The following ST7 variants were observed in gnomAD, a reference collection of about 807,000 sequenced individuals.
ST7 encodes the protein suppression of tumorigenicity 7, also known as suppressor of tumorigenicity 7 protein.
A neutral mutation model predicts 78.7 loss-of-function variants in ST7; 28 were observed. The ratio of observed to expected loss-of-function variants is 0.36; its 90% confidence interval spans 0.26 to 0.49. The LOEUF (loss-of-function observed/expected upper bound fraction) is 0.49. Ranked by LOEUF, ST7 falls within the 20% of genes least tolerant of loss-of-function variation. The pLI is 0.99. For missense variants in ST7, 418 were observed against 696.0 expected (o/e 0.60, Z 4.49); for synonymous variants, 247 against 249.6 (o/e 0.99, Z 0.10).
intron 9 of ST7, among the ~76,000 whole-genome samples, chr7:117,141,624 AG>A (rs1805304794): frequency 6.6e-6 from 1 of 152,132 alleles, no homozygotes; most frequent in South Asian, 2.1e-4. Context: ...CAGTAAGCAG[AG>A]CTAAGAGAGC....
At chr7:117,197,485 T>C (rs1175544709) in intron 12 of ST7, among the ~76,000 whole-genome samples, 1 of 152,192 alleles carries the variant, frequency 6.6e-6, no homozygotes, top group Non-Finnish European at 1.5e-5. Flanking sequence ...CACTTAAGGC[T>C]CTTGATATTG....
intron 1 of ST7, among the ~76,000 whole-genome samples, chr7:117,066,495 C>T (rs1470267491): frequency 6.6e-6 from 1 of 152,064 alleles, no homozygotes; most frequent in African/African-American, 2.4e-5. Flanking sequence ...GGCGTGGTGG[C>T]TAACGCCTGT....
intron 2 of ST7, among the ~76,000 whole-genome samples, chr7:117,113,241 A>C (rs1171467077): frequency 2.6e-5 from 4 of 152,240 alleles, no homozygotes; most frequent in Non-Finnish European, 2.9e-5. Context: ...AAACTTTGCT[A>C]GGTAAGGATG....
At position 117,052,164 on chromosome 7, in the gene ST7, C is replaced by A. The variant is rs563167042; in HGVS notation, c.152-47598C>A. On this transcript the variant is annotated intron_variant, in intron 1 of 15. Coordinates refer to ENST00000323984, the MANE Select transcript of ST7 (RefSeq NM_001369598.1). Reference sequence around the variant, plus strand: ...AGATATGAAAGAGAAGATTTAAAAACAAAAAAAAAACTCCATCACTTATTG... The same window carrying A: ...AGATATGAAAGAGAAGATTTAAAAAAAAAAAAAAAACTCCATCACTTATTG... Among the ~76,000 whole-genome samples, 91 of 146,164 alleles carry A rather than the reference C, an allele frequency of 6.2e-4. 1 individual carries two copies. The highest frequency in any genetic ancestry group is 9.8e-4 in the Non-Finnish European group (65 of 66,062).
At chr7:117,049,138 T>C (rs1021024257) in intron 1 of ST7, among the ~76,000 whole-genome samples, 1 of 152,180 alleles carries the variant, frequency 6.6e-6, no homozygotes, top group Non-Finnish European at 1.5e-5. Flanking sequence ...CATCAGCAGC[T>C]TTATAGGTAA....
chr7:117,019,865 T>G (rs568827954), intron 1 of ST7, among the ~76,000 whole-genome samples: 2 of 152,250 alleles, frequency 1.3e-5, no homozygotes, highest in East Asian at 3.8e-4. Context: ...TAATTACTTC[T>G]AAAGACAGAT....
intron 9 of ST7, among the ~76,000 whole-genome samples, chr7:117,151,237 T>G (rs1169508707): frequency 6.6e-6 from 1 of 152,250 alleles, no homozygotes; most frequent in African/African-American, 2.4e-5. Context: ...TAGAATAGAA[T>G]GCAAACTCTG....
At chr7:117,149,302 A>G (rs74565596) in intron 9 of ST7, among the ~76,000 whole-genome samples, 7,355 of 152,196 alleles carry the variant, frequency 0.048, 596 homozygotes, top group African/African-American at 0.17. Flanking sequence ...AAACAGAGTA[A>G]AGATAGTTAC....
At chr7:117,130,840 C>T (rs1461340046) in intron 5 of ST7, among the ~76,000 whole-genome samples, 3 of 151,728 alleles carry the variant, frequency 2.0e-5, no homozygotes, top group Non-Finnish European at 2.9e-5. Context: ...AAAAATATAT[C>T]GAAGTTGGTT....
chr7:117,191,511 A>AT (rs11420221), intron 12 of ST7: 152,045 of 152,076 alleles, frequency 1, 76,007 homozygotes, highest in Middle Eastern at 1. Flanking sequence ...AATATTTCCA[A>AT]TTTTTTTTCC....
intron 3 of ST7, among the ~76,000 whole-genome samples, chr7:117,121,755 G>A (rs925371833): frequency 6.6e-6 from 1 of 152,060 alleles, no homozygotes; most frequent in African/African-American, 2.4e-5. Context: ...TTTCCATGGG[G>A]ATAAGAACTT....
chr7:117,087,654 A>C (rs535556417), intron 1 of ST7, among the ~76,000 whole-genome samples: 2 of 152,306 alleles, frequency 1.3e-5, no homozygotes. Context: ...TCTCCTCTTT[A>C]CTGCCAGACT....
intron 9 of ST7, among the ~76,000 whole-genome samples, chr7:117,165,812 C>A (rs1245006872): frequency 6.6e-6 from 1 of 152,080 alleles, no homozygotes; most frequent in Non-Finnish European, 1.5e-5. Flanking sequence ...CCAGATTGAC[C>A]AGGACAGGAG....
chr7:116,995,374 A>G (rs1034874926), intron 1 of ST7, among the ~76,000 whole-genome samples: 2 of 152,226 alleles, frequency 1.3e-5, no homozygotes, highest in Admixed American at 6.5e-5. Context: ...AAAGCTTTCT[A>G]AAACAGACTA....
chr7:117,036,045 G>T (rs1365823954), intron 1 of ST7, among the ~76,000 whole-genome samples: 1 of 152,132 alleles, frequency 6.6e-6, no homozygotes, highest in Non-Finnish European at 1.5e-5. Context: ...TGAGGTAACT[G>T]GTTTTTCTTT....
intron 12 of ST7, among the ~76,000 whole-genome samples, chr7:117,194,415 C>T (rs1810087325): frequency 6.6e-6 from 1 of 152,204 alleles, no homozygotes; most frequent in African/African-American, 2.4e-5. Context: ...CCCTTCACCA[C>T]CCCCATTAAG....
At chr7:117,048,639 A>G (rs548268347) in intron 1 of ST7, among the ~76,000 whole-genome samples, 5 of 151,964 alleles carry the variant, frequency 3.3e-5, no homozygotes, top group Non-Finnish European at 7.4e-5. Flanking sequence ...GGTCTCTTTC[A>G]TGGTTTCCTT....
Position 117,060,484 on chromosome 7 carries a change from A to G in ST7, c.152-39278A>G, listed in dbSNP as rs553531953. Among the ~76,000 whole-genome samples, 49 of 152,358 alleles carry G rather than the reference A, an allele frequency of 3.2e-4. 1 individual carries two copies. In the South Asian group the frequency reaches 9.7e-3, roughly 30 times the overall value. ...TTATCAAGTCATTACAATGAAAAAT[A>G]TGAAGACTAAATGCTTGACAAATAC... On this transcript the variant is annotated intron_variant, in intron 1 of 15. Transcript: ENST00000323984.
chr7:117,203,351 A>T (rs1005995996), intron 12 of ST7, among the ~76,000 whole-genome samples: 1 of 152,184 alleles, frequency 6.6e-6, no homozygotes, highest in Admixed American at 6.5e-5. Flanking sequence ...TCTATCACAG[A>T]GTTAGTGTTA....
Sources: allele counts gnomAD v4.1 joint callset (sites outside exome capture counted in the v4.1 genomes callset), GRCh38; gene constraint gnomAD v4.1.1; transcripts MANE v1.5; gene names NCBI Gene and HGNC (gene_info 2026-07-23, HGNC 2026-07-21).